Variants in PPP2R2A observed in about 807,000 individuals in gnomAD.
The protein encoded by PPP2R2A is protein phosphatase 2 regulatory subunit Balpha.
Under a neutral mutation model 53.2 loss-of-function variants are expected in PPP2R2A, and 9 were observed. That is an observed-to-expected ratio of 0.17 (90% CI 0.10 to 0.30). The LOEUF is 0.30. PPP2R2A is among the 10% of genes least tolerant of loss of function. PPP2R2A has a pLI of 1.00. For synonymous variants in PPP2R2A, 169 were observed against 174.2 expected, an observed-to-expected ratio of 0.97 and a Z score of 0.23; for missense variants, 235 against 534.6, an observed-to-expected ratio of 0.44 and a Z score of 5.53.
chr8:26,330,307 CTTTTTTTT>C (rs11351968), intron 2 of PPP2R2A, among the ~76,000 whole-genome samples: 10 of 129,990 alleles, frequency 7.7e-5, no homozygotes, highest in Admixed American at 1.6e-4. Context: ...ATTCTTTTTT[CTTTTTTTT>C]TTTTTTTTTT....
chr8:26,359,311 G>GT (rs1402784808), intron 4 of PPP2R2A, among the ~76,000 whole-genome samples: 2 of 152,178 alleles, frequency 1.3e-5, no homozygotes, highest in African/African-American at 4.8e-5. Flanking sequence ...GAAAAGGAAT[G>GT]TTAGTGGAAA....
At chr8:26,292,092 T>TGG in intron 1 of PPP2R2A, 1 of 516,080 alleles carries the variant, frequency 1.9e-6, no homozygotes, top group Non-Finnish European at 2.1e-6. Flanking sequence ...GGGTGAGGCG[T>TGG]GGGTGGGGCG....
rs1327671757 is a variant in PPP2R2A, at chr8:26,371,975, A to G, written c.*1562A>G. On this transcript the variant is annotated 3_prime_UTR_variant, in exon 10 of 10. Coordinates refer to ENST00000380737, the MANE Select transcript of PPP2R2A (RefSeq NM_002717.4). ...GGTAGTCTTATTTTGGTGGAACATAATGTAACAACCTTGAATTTCAGAGGA... is the reference window on the plus strand; with the variant it reads ...GGTAGTCTTATTTTGGTGGAACATAGTGTAACAACCTTGAATTTCAGAGGA... 1 of 152,180 alleles carries G rather than the reference A, an allele frequency of 6.6e-6. No individual in the cohort carries two copies. The highest frequency in any genetic ancestry group is 1.5e-5 in the Non-Finnish European group (1 of 68,018). 9.4% of individuals were successfully genotyped at this position (152,180 alleles called of 1,614,324 possible).
At chr8:26,352,584 G>C (rs1016164096) in intron 3 of PPP2R2A, among the ~76,000 whole-genome samples, 31 of 152,188 alleles carry the variant, frequency 2.0e-4, no homozygotes, top group Non-Finnish European at 8.8e-5. Flanking sequence ...TTTTTAGACA[G>C]AATTTTCTCC....
rs1342946388 is a variant in PPP2R2A, at chr8:26,362,460, G to A, written c.638-224G>A. On this transcript the variant is annotated intron_variant, in intron 6 of 9. Transcript: ENST00000380737. The surrounding 1 kb of genome is among the most constrained non-coding windows in gnomAD (Gnocchi z 4.4). ...TCGGAGGCTGCAGTGAGCCGAGATT[G>A]CGCCACTGCACTCCAGCCTGGGTGA... is the stretch of plus-strand genomic sequence containing the variant. Among the ~76,000 whole-genome samples the A allele has an allele frequency of 1.1e-4, 16 of 151,986 alleles. No individual in the cohort carries two copies. The highest frequency in any genetic ancestry group is 6.6e-4 in the Admixed American group (10 of 15,250).
intron 3 of PPP2R2A, among the ~76,000 whole-genome samples, chr8:26,341,263 C>T (rs1212475104): frequency 6.6e-6 from 1 of 152,162 alleles, no homozygotes; most frequent in Non-Finnish European, 1.5e-5. Context: ...TAATTTTCTA[C>T]ATTTTAAAGC....
At chr8:26,363,922 A>G in intron 8 of PPP2R2A, 32 bp downstream of exon 8, 1 of 1,519,914 alleles carries the variant, frequency 6.6e-7, no homozygotes, top group Non-Finnish European at 8.9e-7. Flanking sequence ...ATGAGCATAT[A>G]CCCTGTTTAC....
At chr8:26,325,761 C>T (rs560369686) in intron 2 of PPP2R2A, among the ~76,000 whole-genome samples, 1 of 152,280 alleles carries the variant, frequency 6.6e-6, no homozygotes, top group South Asian at 2.1e-4. Context: ...TATATTGATA[C>T]AGCCAACTTA....
At chr8:26,314,803 G>GT (rs1231999907) in intron 2 of PPP2R2A, among the ~76,000 whole-genome samples, 3 of 140,162 alleles carry the variant, frequency 2.1e-5, no homozygotes, top group East Asian at 4.2e-4. Context: ...ATTTCCTTCT[G>GT]TTTTTTCCTT....
At chr8:26,353,915 G>T (rs1463329590) in intron 3 of PPP2R2A, among the ~76,000 whole-genome samples, 1 of 152,124 alleles carries the variant, frequency 6.6e-6, no homozygotes, top group Non-Finnish European at 1.5e-5. Context: ...GGGGTGGGAG[G>T]TAGGGGTCAA....
intron 3 of PPP2R2A, among the ~76,000 whole-genome samples, chr8:26,352,807 T>A (rs1804588168): frequency 6.6e-6 from 1 of 152,206 alleles, no homozygotes. Context: ...ACTCATCAAA[T>A]ACAATGTGTG....
At chr8:26,293,986 T>C (rs566489554) in intron 2 of PPP2R2A, 16 of 453,620 alleles carry the variant, frequency 3.5e-5, no homozygotes, top group East Asian at 1.6e-4. Context: ...ATGAGACATA[T>C]AAGATCCTCA....
intron 2 of PPP2R2A, among the ~76,000 whole-genome samples, chr8:26,310,118 T>G (rs1468310585): frequency 6.8e-6 from 1 of 146,398 alleles, no homozygotes; most frequent in East Asian, 2.1e-4. Context: ...CCGCCTCTAC[T>G]AAAAATACAA....
chr8:26,304,550 C>T (rs1302676474), intron 2 of PPP2R2A, among the ~76,000 whole-genome samples: 1 of 152,184 alleles, frequency 6.6e-6, no homozygotes, highest in East Asian at 1.9e-4. Flanking sequence ...GGTCTGTCTG[C>T]TCTGTATGAA....
intron 2 of PPP2R2A, among the ~76,000 whole-genome samples, chr8:26,336,747 G>A (rs570592471): frequency 7.2e-5 from 11 of 152,026 alleles, no homozygotes; most frequent in African/African-American, 2.7e-4. Flanking sequence ...CAGGTATGGT[G>A]GTGCATGCCT....
chr8:26,305,435 C>T (rs1801974008), intron 2 of PPP2R2A, among the ~76,000 whole-genome samples: 1 of 152,060 alleles, frequency 6.6e-6, no homozygotes, highest in Non-Finnish European at 1.5e-5. Context: ...CTAGGTAGAA[C>T]ATGAAAGTGT....
intron 1 of PPP2R2A, among the ~76,000 whole-genome samples, chr8:26,292,712 T>G (rs921354991): frequency 9.2e-5 from 14 of 152,202 alleles, no homozygotes; most frequent in African/African-American, 3.1e-4. Flanking sequence ...GAATTCTTTT[T>G]GTACATGTTG....
rs1441439862 is a variant in PPP2R2A, at chr8:26,354,346, T to G, written c.181-122T>G. On this transcript the variant is annotated intron_variant, in intron 3 of 9. Coordinates refer to ENST00000380737, the MANE Select transcript of PPP2R2A (RefSeq NM_002717.4). This position sits in a 1 kb window ranked among gnomAD's most constrained non-coding sequence, Gnocchi z 4.6. ...TAGAAATATAAAAAACAGAATGTAA[T>G]TGTATAAAGACACAACTAATGGGGT... 1.4e-6 allele frequency: 1 copy of G among 696,726 alleles called. No individual in the cohort carries two copies. Among genetic ancestry groups the G allele is most frequent in the Non-Finnish European group, 2.1e-6 (1 of 477,554 alleles). The allele number at this position is 696,726 out of a possible 1,614,324, so 43.2% of individuals were successfully genotyped here. A position where few individuals can be genotyped will look rare whatever the true frequency, so the allele number is the denominator to read the frequency against.
chr8:26,316,095 C>G (rs988511594), intron 2 of PPP2R2A, among the ~76,000 whole-genome samples: 1 of 151,852 alleles, frequency 6.6e-6, no homozygotes, highest in African/African-American at 2.4e-5. Context: ...GCCTCCGCCT[C>G]CTGGGTTAAA....
Sources: gnomAD v4.1 joint callset for allele counts (sites outside exome capture counted in the v4.1 genomes callset) on GRCh38, gnomAD v4.1.1 for gene constraint, Gnocchi (gnomAD v3.1) non-coding constraint, MANE v1.5 for transcripts, NCBI Gene and HGNC (gene_info 2026-07-23, HGNC 2026-07-21) for gene names.